Variants in ERC1 observed in about 807,000 individuals in gnomAD.
The protein encoded by ERC1 is RAB6 interacting protein 2.
A neutral mutation model predicts 132.0 loss-of-function variants in ERC1; 56 were observed. The ratio of observed to expected loss-of-function variants is 0.42; its 90% CI spans 0.34 to 0.53. The LOEUF (loss-of-function observed/expected upper bound fraction) is 0.53, where lower values mean the gene tolerates loss of function less well. Among genes scored for constraint, ERC1 ranks in the 20% least tolerant of loss-of-function variants. The probability of loss-of-function intolerance (pLI) is 0.03; values close to 1 mark genes in which losing one functional copy is unlikely to be tolerated. For synonymous variants in ERC1, 478 were observed against 476.1 expected (o/e 1.00, Z -0.05); for missense variants, 1,202 against 1,349.9 (o/e 0.89, Z 1.72).
At chr12:1,257,382 C>A (rs1275046548) in intron 13 of ERC1, 1 of 152,158 alleles carries the variant, frequency 6.6e-6, no homozygotes, top group Non-Finnish European at 1.5e-5. Context: ...TCACTGTTTT[C>A]TTAAGCTGCT....
chr12:1,134,567 G>T (rs1176521977), intron 7 of ERC1, among the ~76,000 whole-genome samples: 1 of 151,938 alleles, frequency 6.6e-6, no homozygotes, highest in Admixed American at 6.6e-5. Flanking sequence ...GCCCAGGGAG[G>T]TCTTGAACTT....
chr12:1,354,471 C>G (rs1381395957), intron 15 of ERC1, among the ~76,000 whole-genome samples: 1 of 151,612 alleles, frequency 6.6e-6, no homozygotes, highest in Non-Finnish European at 1.5e-5. Flanking sequence ...TTCAGTGAGC[C>G]GAGATTGCCC....
chr12:1,315,144 C>A (rs1166357769), intron 15 of ERC1, among the ~76,000 whole-genome samples: 4 of 152,086 alleles, frequency 2.6e-5, no homozygotes, highest in Non-Finnish European at 4.4e-5. Flanking sequence ...CTCAGCCTGC[C>A]AAGTAGCTGG....
At chr12:1,413,520 G>C (rs2091954700) in intron 17 of ERC1, among the ~76,000 whole-genome samples, 1 of 152,100 alleles carries the variant, frequency 6.6e-6, no homozygotes, top group African/African-American at 2.4e-5. Context: ...CTTGAACCTG[G>C]GGGGCAGAGG....
chr12:1,354,926 G>A lies in ERC1; in HGVS notation c.2781-16907G>A, dbSNP rs556836890. On this transcript the variant is annotated intron_variant, in intron 15 of 18. Transcript: ENST00000360905. ...CAAAATCCTGGGATTACAGCAGTCC[G>A]CCCACTGATTTATCTTTAAATCACC... is the stretch of plus-strand genomic sequence containing the variant. Among the ~76,000 whole-genome samples, 15 of 152,128 alleles carry A rather than the reference G, an allele frequency of 9.9e-5. No individual in the cohort carries two copies. The South Asian group carries it at 2.1e-3, about 21-fold the overall frequency.
At chr12:1,479,766 C>T (rs898578537) in intron 18 of ERC1, among the ~76,000 whole-genome samples, 2 of 152,116 alleles carry the variant, frequency 1.3e-5, no homozygotes, top group Non-Finnish European at 2.9e-5. Context: ...AGTGTGGGTG[C>T]TCCTGAGGCG....
chr12:1,294,897 G>A (rs540678718), intron 15 of ERC1, among the ~76,000 whole-genome samples: 2 of 152,130 alleles, frequency 1.3e-5, no homozygotes, highest in South Asian at 4.2e-4. Context: ...TCTCCAAATA[G>A]GTAAAACTCC....
chr12:1,016,468 A>G (rs1021802942), intron 1 of ERC1, among the ~76,000 whole-genome samples: 33 of 152,226 alleles, frequency 2.2e-4, no homozygotes, highest in African/African-American at 7.5e-4. Flanking sequence ...GCTCGTAGCT[A>G]TTTGTGGGAA....
At chr12:1,301,115 C>T (rs1227899393) in intron 15 of ERC1, among the ~76,000 whole-genome samples, 1 of 150,300 alleles carries the variant, frequency 6.7e-6, no homozygotes, top group Admixed American at 6.6e-5. Context: ...CTTATGTTCT[C>T]ACTTATAAGT....
At chr12:1,231,668 C>A (rs552796072) in intron 12 of ERC1, among the ~76,000 whole-genome samples, 1 of 143,370 alleles carries the variant, frequency 7.0e-6, no homozygotes, top group Non-Finnish European at 1.6e-5. Flanking sequence ...TTCTGAAGAA[C>A]AACTTTTTTT....
intron 15 of ERC1, among the ~76,000 whole-genome samples, chr12:1,358,924 G>A (rs1395226719): frequency 1.3e-5 from 2 of 151,884 alleles, no homozygotes; most frequent in South Asian, 2.1e-4. Flanking sequence ...CACTTCAACC[G>A]TTATAGTTTG....
chr12:1,161,355 A>G (rs907480833), intron 8 of ERC1, among the ~76,000 whole-genome samples: 1 of 152,178 alleles, frequency 6.6e-6, no homozygotes, highest in African/African-American at 2.4e-5. Flanking sequence ...GGTGTCAATA[A>G]AAACGAGGAG....
In ERC1 at chr12:1,028,429, G is replaced by C; in HGVS notation, c.526G>C (p.Glu176Gln). The C allele has an allele frequency of 6.2e-7, 1 of 1,614,160 alleles. No individual in the cohort carries two copies. The highest frequency in any genetic ancestry group is 8.5e-7 in the Non-Finnish European group (1 of 1,180,016). ...CTTGCGGAAGGATGTGGAAGTAAAG[G>C]AGAGCAAATTGAGTTCTTCAATGAA... is the stretch of plus-strand genomic sequence containing the variant. ...DLLRKDVEVK[E>Q]SKLSSSMNSI... is the part of the protein sequence containing the mutation. The change falls in exon 2 of 19, where the codon GAG (glutamate) becomes CAG (glutamine). Residue 176 changes from glutamate to glutamine, a missense_variant. Transcript: ENST00000360905.
At chr12:1,154,414 C>T (rs745807924) in intron 8 of ERC1, among the ~76,000 whole-genome samples, 5 of 150,320 alleles carry the variant, frequency 3.3e-5, no homozygotes, top group Non-Finnish European at 5.9e-5. Context: ...AAAAATTAAC[C>T]TAGGTGGATT....
At chr12:1,420,612 C>T (rs1379683609) in intron 17 of ERC1, among the ~76,000 whole-genome samples, 12 of 152,078 alleles carry the variant, frequency 7.9e-5, no homozygotes, top group Admixed American at 2.6e-4. Flanking sequence ...CCTGCCACCA[C>T]GCCTGGCTGA....
At chr12:1,270,488 G>A (rs1443555701) in intron 14 of ERC1, among the ~76,000 whole-genome samples, 5 of 152,056 alleles carry the variant, frequency 3.3e-5, no homozygotes, top group East Asian at 1.9e-4. Flanking sequence ...GATTACAGGC[G>A]TGAGCCACTG....
At chr12:1,262,105 A>C (rs2077180406) in intron 13 of ERC1, among the ~76,000 whole-genome samples, 1 of 152,202 alleles carries the variant, frequency 6.6e-6, no homozygotes, top group Non-Finnish European at 1.5e-5. Context: ...GTACTCTGAA[A>C]ATTGGAGAAT....
intron 15 of ERC1, among the ~76,000 whole-genome samples, chr12:1,349,774 A>T (rs1198447117): frequency 2.0e-5 from 3 of 152,168 alleles, no homozygotes; most frequent in African/African-American, 7.2e-5. Flanking sequence ...GCTTGATTAT[A>T]CTTAGACCTT....
rs796515623 is a variant in ERC1 at position 1,400,507 on chromosome 12, C to T, written c.2926-7642C>T. Among the ~76,000 whole-genome samples, 3 of 152,126 alleles carry T rather than the reference C, an allele frequency of 2.0e-5. No homozygotes were observed. In the South Asian group the frequency reaches 6.2e-4, roughly 32 times the overall value. On this transcript the variant is annotated intron_variant, in intron 16 of 18. Transcript: ENST00000360905. ...AGAAATCACTGCCTAACCCAGGCCT[C>T]AAAGATTTACTCTTATGTTTTGTTC...
Sources: allele counts gnomAD v4.1 joint callset (sites outside exome capture counted in the v4.1 genomes callset), GRCh38; gene constraint gnomAD v4.1.1; transcripts MANE v1.5; gene names NCBI Gene and HGNC (gene_info 2026-07-23, HGNC 2026-07-21).